DOK6: variants seen among roughly 807,000 people sequenced by gnomAD.
DOK6 encodes docking protein 6.
A neutral mutation model predicts 44.0 loss-of-function variants in DOK6; 22 were observed. The ratio of observed to expected loss-of-function variants is 0.50; its 90% confidence interval spans 0.36 to 0.71. The LOEUF is 0.71. Ranked by LOEUF, DOK6 falls within the 30% of genes least tolerant of loss-of-function variation. The pLI is 0.00. For synonymous variants in DOK6, 166 were observed against 145.5 expected (o/e 1.14, Z -1.01); for missense variants, 340 against 416.4 (o/e 0.82, Z 1.60).
Position 69,560,595 on chromosome 18 carries a change from T to C in DOK6, c.67-3892T>C, listed in dbSNP as rs1288545086. On this transcript the variant is annotated intron_variant, in intron 1 of 7. Coordinates refer to ENST00000382713, the MANE Select transcript of DOK6 (RefSeq NM_152721.6). The stretch of plus-strand genomic sequence containing the variant: ...AAATCATTTGAAAACTTTAAAACTA[T>C]ACTGATGCAAGCAATAATTTGTAAA... Among the ~76,000 whole-genome samples the C allele has an allele frequency of 4.6e-5, 7 of 152,138 alleles. No homozygotes were observed. In the East Asian group the frequency reaches 1.3e-3, roughly 29 times the overall value.
At chr18:69,628,381 T>C (rs187058494) in intron 3 of DOK6, among the ~76,000 whole-genome samples, 9 of 152,236 alleles carry the variant, frequency 5.9e-5, no homozygotes, top group African/African-American at 9.6e-5. Context: ...TCCCAGCTAC[T>C]TGGGGGGCTG....
intron 1 of DOK6, among the ~76,000 whole-genome samples, chr18:69,469,229 G>C (rs1980015784): frequency 6.6e-6 from 1 of 152,144 alleles, no homozygotes; most frequent in African/African-American, 2.4e-5. Context: ...AGTGTGTGCT[G>C]AGTACTGATA....
chr18:69,830,916 A>G (rs1981882756), intron 7 of DOK6, among the ~76,000 whole-genome samples: 1 of 152,066 alleles, frequency 6.6e-6, no homozygotes, highest in Non-Finnish European at 1.5e-5. Flanking sequence ...GTTGTTAAAT[A>G]CCTCTGAGCT....
At chr18:69,640,607 G>A (rs1984916956) in intron 3 of DOK6, among the ~76,000 whole-genome samples, 1 of 152,190 alleles carries the variant, frequency 6.6e-6, no homozygotes, top group Admixed American at 6.5e-5. Context: ...TGGGGGCACA[G>A]AGAGACAGGG....
At chr18:69,514,045 C>T (rs1057461788) in intron 1 of DOK6, among the ~76,000 whole-genome samples, 6 of 151,764 alleles carry the variant, frequency 4.0e-5, no homozygotes, top group East Asian at 1.9e-4. Context: ...AACAATAATT[C>T]AAAAATCAAT....
At position 69,632,225 on chromosome 18, in the gene DOK6, C is replaced by T. The variant is rs149156230; in HGVS notation, c.289+32727C>T. Among the ~76,000 whole-genome samples the T allele has an allele frequency of 3.6e-3, 543 of 152,238 alleles. 1 individual carries two copies. The highest frequency in any genetic ancestry group is 0.012 in the African/African-American group (495 of 41,552). ...GAGACATATTGGCTCAGCAAATAGA[C>T]GGTAGAGCCTTTGACAGTGGGAAAT... On this transcript the variant is annotated intron_variant, in intron 3 of 7. Coordinates refer to ENST00000382713, the MANE Select transcript of DOK6 (RefSeq NM_152721.6).
rs148175262 is a variant in DOK6, at chr18:69,601,605, C to A, written c.289+2107C>A. On this transcript the variant is annotated intron_variant, in intron 3 of 7. Coordinates refer to ENST00000382713, the MANE Select transcript of DOK6 (RefSeq NM_152721.6). ...AGGGGCTGGAGTCAGAGCACCTTAT[C>A]GTTACACAAGGTTCTGTGCAAACAA... Among the ~76,000 whole-genome samples, 961 of 152,264 alleles carry A rather than the reference C, an allele frequency of 6.3e-3. 37 individuals carry two copies. The highest frequency in any genetic ancestry group is 0.049 in the Admixed American group (756 of 15,294).
chr18:69,646,598 A>G (rs1041932424), intron 3 of DOK6, among the ~76,000 whole-genome samples: 8 of 152,114 alleles, frequency 5.3e-5, no homozygotes, highest in African/African-American at 1.9e-4. Flanking sequence ...CATGGTGCCC[A>G]TTTGGTGGAG....
At chr18:69,524,957 T>C (rs917298996) in intron 1 of DOK6, among the ~76,000 whole-genome samples, 2 of 150,052 alleles carry the variant, frequency 1.3e-5, no homozygotes, top group African/African-American at 4.9e-5. Context: ...TTTTAATAAA[T>C]GGATATTAAA....
At position 69,458,055 on chromosome 18, in the gene DOK6, A is replaced by C. The variant is rs536296497; in HGVS notation, c.66+56745A>C. ...CTACTTGGGAGGCTGAGGCAGAAGA[A>C]TCACTTGAACCCGTGAGGCAGAACT... On this transcript the variant is annotated intron_variant, in intron 1 of 7. Transcript: ENST00000382713. Among the ~76,000 whole-genome samples the C allele has an allele frequency of 3.9e-5, 6 of 152,332 alleles. No individual in the cohort carries two copies. The East Asian group carries it at 1.2e-3, about 29-fold the overall frequency.
intron 7 of DOK6, among the ~76,000 whole-genome samples, chr18:69,820,069 T>C (rs1981523066): frequency 6.6e-6 from 1 of 152,186 alleles, no homozygotes; most frequent in South Asian, 2.1e-4. Flanking sequence ...TCCTCCTTTT[T>C]TAAGGCTGAG....
chr18:69,524,735 G>A (rs531618034), intron 1 of DOK6, among the ~76,000 whole-genome samples: 1 of 151,978 alleles, frequency 6.6e-6, no homozygotes, highest in Non-Finnish European at 1.5e-5. Context: ...TTATTAATAT[G>A]TGGATTATGA....
chr18:69,700,035 A>G (rs1161470382), intron 5 of DOK6, among the ~76,000 whole-genome samples: 1 of 151,908 alleles, frequency 6.6e-6, no homozygotes, highest in Non-Finnish European at 1.5e-5. Context: ...TTATCAAAAC[A>G]TCAGATCTCG....
chr18:69,583,432 G>C (rs1983414325), intron 2 of DOK6, among the ~76,000 whole-genome samples: 2 of 152,090 alleles, frequency 1.3e-5, no homozygotes, highest in Non-Finnish European at 2.9e-5. Flanking sequence ...TTACTTGTCT[G>C]TTTTAAGCAC....
chr18:69,732,284 C>T (rs989754291), intron 5 of DOK6, among the ~76,000 whole-genome samples: 22 of 152,164 alleles, frequency 1.4e-4, no homozygotes, highest in African/African-American at 4.8e-4. Flanking sequence ...CCTCCAGGAG[C>T]TATGTATATA....
At chr18:69,633,601 T>A (rs1000352632) in intron 3 of DOK6, among the ~76,000 whole-genome samples, 9 of 152,170 alleles carry the variant, frequency 5.9e-5, no homozygotes, top group African/African-American at 2.2e-4. Context: ...TAATCAAAAA[T>A]TTCCTATTTT....
At chr18:69,622,379 A>C (rs1221874404) in intron 3 of DOK6, among the ~76,000 whole-genome samples, 2 of 152,204 alleles carry the variant, frequency 1.3e-5, no homozygotes, top group African/African-American at 2.4e-5. Context: ...TGTTTTGATA[A>C]CTATTATTTC....
chr18:69,543,247 C>T (rs1185579690), intron 1 of DOK6, among the ~76,000 whole-genome samples: 3 of 151,548 alleles, frequency 2.0e-5, no homozygotes, highest in Non-Finnish European at 4.4e-5. Context: ...TTTCAGTGTG[C>T]CAGAATAAAT....
chr18:69,692,684 G>A (rs1316094927), intron 4 of DOK6, among the ~76,000 whole-genome samples: 1 of 152,200 alleles, frequency 6.6e-6, no homozygotes, highest in Non-Finnish European at 1.5e-5. Flanking sequence ...TTTATGCTCA[G>A]ATAGGCCCAG....
Sources: gnomAD v4.1 joint callset for allele counts (sites outside exome capture counted in the v4.1 genomes callset) on GRCh38, gnomAD v4.1.1 for gene constraint, MANE v1.5 for transcripts, NCBI Gene and HGNC (gene_info 2026-07-23, HGNC 2026-07-21) for gene names.